The following CSMD1 variants were observed in gnomAD, a reference collection of about 807,000 sequenced individuals.
CSMD1 encodes CUB and Sushi multiple domains 1.
Under a neutral mutation model 417.5 loss-of-function variants are expected in CSMD1, and 213 were observed. The ratio of observed to expected loss-of-function variants is 0.51; its 90% CI spans 0.46 to 0.57. The LOEUF is 0.57. Ranked by LOEUF, CSMD1 falls within the 20% of genes least tolerant of loss-of-function variation. CSMD1 has a pLI of 0.00. For synonymous variants in CSMD1, 2,862 were observed against 1,736.8 expected (o/e 1.65, Z -16.11); for missense variants, 6,923 against 4,529.7 (o/e 1.53, Z -15.17).
At chr8:4,115,729 C>T (rs1053340881) in intron 3 of CSMD1, among the ~76,000 whole-genome samples, 8 of 151,970 alleles carry the variant, frequency 5.3e-5, no homozygotes, top group Admixed American at 2.6e-4. Flanking sequence ...GACATCCTGA[C>T]AATGGACTGT....
rs1470281059 is a variant in CSMD1, at chr8:3,976,019, G to T, written c.818+21884C>A. ...ATTTAAAATATTATGATCCTGAAAAGATCAATATATTCAATATATACTGAT... is the reference window on the plus strand; with the variant it reads ...ATTTAAAATATTATGATCCTGAAAATATCAATATATTCAATATATACTGAT... On this transcript the variant is annotated intron_variant, in intron 5 of 69. Transcript: ENST00000635120. Among the ~76,000 whole-genome samples the T allele has an allele frequency of 2.6e-5, 4 of 151,846 alleles. No individual in the cohort carries two copies. In the East Asian group the frequency reaches 7.7e-4, roughly 29 times the overall value.
chr8:4,220,256 A>G (rs185036192), intron 3 of CSMD1, among the ~76,000 whole-genome samples: 6 of 152,284 alleles, frequency 3.9e-5, no homozygotes, highest in African/African-American at 1.2e-4. Flanking sequence ...CAGTCTCAAG[A>G]TAACTTAGAG....
chr8:3,575,397 G>C (rs1018496834), intron 9 of CSMD1, among the ~76,000 whole-genome samples: 1 of 152,138 alleles, frequency 6.6e-6, no homozygotes, highest in East Asian at 1.9e-4. Context: ...GTGACTCAGA[G>C]TGTTCACGTA....
chr8:3,184,382 ACAG>A (rs1821617990), intron 36 of CSMD1, among the ~76,000 whole-genome samples: 1 of 152,224 alleles, frequency 6.6e-6, no homozygotes, highest in African/African-American at 2.4e-5. Flanking sequence ...TGATTAGGAC[ACAG>A]CCTCAAAAAC....
intron 5 of CSMD1, among the ~76,000 whole-genome samples, chr8:3,782,359 G>A (rs917234474): frequency 5.9e-5 from 9 of 152,052 alleles, no homozygotes; most frequent in Admixed American, 1.3e-4. Flanking sequence ...AGGGAACTCC[G>A]GCAAGTCAAT....
chr8:3,576,369 C>CTCTG (rs1408428341), intron 9 of CSMD1, among the ~76,000 whole-genome samples: 2 of 151,724 alleles, frequency 1.3e-5, no homozygotes, highest in African/African-American at 2.4e-5. Context: ...CATCTGAGAT[C>CTCTG]TCTCCTAAAT....
chr8:3,705,627 G>A (rs1289519725), intron 7 of CSMD1, among the ~76,000 whole-genome samples: 1 of 152,224 alleles, frequency 6.6e-6, no homozygotes, highest in Admixed American at 6.5e-5. Flanking sequence ...TGTGGAACAA[G>A]AGCTAACAGT....
intron 21 of CSMD1, among the ~76,000 whole-genome samples, chr8:3,350,580 A>G (rs1808352702): frequency 6.6e-6 from 1 of 152,216 alleles, no homozygotes; most frequent in East Asian, 1.9e-4. Context: ...TTCATAATTA[A>G]TAATAAAACT....
intron 5 of CSMD1, among the ~76,000 whole-genome samples, chr8:3,891,641 C>G (rs1326492321): frequency 6.6e-6 from 1 of 151,922 alleles, no homozygotes; most frequent in Non-Finnish European, 1.5e-5. Context: ...TGTGATCACA[C>G]CACTGCACTA....
chr8:3,999,919 A>G (rs540346836), intron 4 of CSMD1, among the ~76,000 whole-genome samples: 5 of 152,318 alleles, frequency 3.3e-5, no homozygotes, highest in Admixed American at 1.3e-4. Context: ...CTCATTTTTT[A>G]GATCCCAAAT....
intron 30 of CSMD1, among the ~76,000 whole-genome samples, chr8:3,207,539 T>C (rs1401680892): frequency 6.6e-6 from 1 of 152,192 alleles, no homozygotes; most frequent in Non-Finnish European, 1.5e-5. Flanking sequence ...TATTAATTGA[T>C]GGACAGAACA....
At chr8:4,974,054 C>T (rs1271870958) in intron 1 of CSMD1, among the ~76,000 whole-genome samples, 2 of 152,046 alleles carry the variant, frequency 1.3e-5, no homozygotes, top group African/African-American at 2.4e-5. Context: ...AGAGTCTCAC[C>T]CTGTTGCCCA....
At chr8:3,708,521 G>T (rs898057978) in intron 6 of CSMD1, 30 bp from the exon 7 acceptor site, 8 of 1,588,608 alleles carry the variant, frequency 5.0e-6, no homozygotes, top group Admixed American at 1.7e-5. Context: ...GCCATTAGCA[G>T]GTAAGACTTG....
At chr8:3,569,493 G>A (rs543629739) in intron 10 of CSMD1, among the ~76,000 whole-genome samples, 26 of 152,210 alleles carry the variant, frequency 1.7e-4, no homozygotes, top group African/African-American at 5.5e-4. Context: ...AATTGGCGTC[G>A]GAAACTGCTT....
At position 4,376,857 on chromosome 8, in the gene CSMD1, T is replaced by C. The variant is rs114311358; in HGVS notation, c.415+43096A>G. Among the ~76,000 whole-genome samples, 1,214 of 152,364 alleles carry C rather than the reference T, an allele frequency of 8.0e-3. 8 individuals are homozygous for C. Among genetic ancestry groups the C allele is most frequent in the Middle Eastern group, 0.041 (12 of 294 alleles). On this transcript the variant is annotated intron_variant, in intron 3 of 69. Transcript: ENST00000635120. Reference sequence around the variant, plus strand: ...TTTGTCTTATTTGTAAGTGCTTCTCTGTTATGCATTTTTACAGGTATTTGA... The same window carrying C: ...TTTGTCTTATTTGTAAGTGCTTCTCCGTTATGCATTTTTACAGGTATTTGA...
chr8:4,003,865 C>G (rs1815896119), intron 4 of CSMD1, among the ~76,000 whole-genome samples: 1 of 152,044 alleles, frequency 6.6e-6, no homozygotes, highest in South Asian at 2.1e-4. Context: ...ACATCCAAAA[C>G]GTGTGATAAA....
chr8:4,555,479 G>C (rs866156703), intron 2 of CSMD1, among the ~76,000 whole-genome samples: 5 of 152,140 alleles, frequency 3.3e-5, no homozygotes, highest in African/African-American at 1.2e-4. Context: ...TTCTGAAACA[G>C]GTGAAGCTAG....
chr8:4,450,932 A>G (rs1799105290), intron 2 of CSMD1, among the ~76,000 whole-genome samples: 1 of 152,174 alleles, frequency 6.6e-6, no homozygotes, highest in Non-Finnish European at 1.5e-5. Flanking sequence ...GAAAGGGCCA[A>G]TAAAAGAACC....
chr8:4,980,091 GCATTTTTTA>G (rs1388614844), intron 1 of CSMD1, among the ~76,000 whole-genome samples: 3 of 152,240 alleles, frequency 2.0e-5, no homozygotes, highest in African/African-American at 7.2e-5. Flanking sequence ...TCACAACCAT[GCATTTTTTA>G]CCTCAAATAA....
Sources: gnomAD v4.1 joint callset for allele counts (sites outside exome capture counted in the v4.1 genomes callset) on GRCh38, gnomAD v4.1.1 for gene constraint, MANE v1.5 for transcripts, NCBI Gene and HGNC (gene_info 2026-07-23, HGNC 2026-07-21) for gene names.